ZBTB44: variants seen among roughly 807,000 people sequenced by gnomAD.
ZBTB44 encodes zinc finger and BTB domain containing 44.
Under a neutral mutation model 54.0 loss-of-function variants are expected in ZBTB44, and 15 were observed. The ratio of observed to expected loss-of-function variants is 0.28; its 90% CI spans 0.19 to 0.43. ZBTB44 has a LOEUF of 0.43. ZBTB44 is among the 20% of genes least tolerant of loss of function. ZBTB44 has a pLI of 1.00. For synonymous variants in ZBTB44, 230 were observed against 250.1 expected, an observed-to-expected ratio of 0.92 and a Z score of 0.76; for missense variants, 487 against 707.1, an observed-to-expected ratio of 0.69 and a Z score of 3.53.
intron 2 of ZBTB44, among the ~76,000 whole-genome samples, chr11:130,247,009 T>C (rs1306873348): frequency 1.3e-5 from 2 of 152,188 alleles, no homozygotes; most frequent in Admixed American, 1.3e-4. Flanking sequence ...TATTAAGATA[T>C]TCAATAACAG....
At chr11:130,285,637 C>A in intron 1 of ZBTB44, 1 of 259,726 alleles carries the variant, frequency 3.9e-6, no homozygotes, top group South Asian at 5.7e-5. Flanking sequence ...GTTGGAATAT[C>A]CCCTACTTCA....
intron 1 of ZBTB44, among the ~76,000 whole-genome samples, chr11:130,289,897 T>A (rs1941202469): frequency 6.6e-6 from 1 of 152,230 alleles, no homozygotes; most frequent in African/African-American, 2.4e-5. Context: ...AGATCCCAAG[T>A]GAATTCATTA....
At chr11:130,285,754 C>A (rs1011152907) in intron 1 of ZBTB44, 6 of 224,900 alleles carry the variant, frequency 2.7e-5, no homozygotes, top group Non-Finnish European at 4.7e-5. Context: ...TGTTCCCAAA[C>A]CAGTTCATGC....
intron 1 of ZBTB44, among the ~76,000 whole-genome samples, chr11:130,298,433 C>T (rs1465778880): frequency 1.3e-5 from 2 of 151,272 alleles, no homozygotes; most frequent in African/African-American, 2.4e-5. Context: ...GTGTGAGCCA[C>T]CATGCCCGGC....
At chr11:130,264,316 T>TG (rs2136457892) in intron 1 of ZBTB44, among the ~76,000 whole-genome samples, 1 of 151,652 alleles carries the variant, frequency 6.6e-6, no homozygotes, top group African/African-American at 2.4e-5. Context: ...AGCCAGCAAA[T>TG]GAAGAGAAGT....
intron 1 of ZBTB44, among the ~76,000 whole-genome samples, chr11:130,275,800 G>C (rs1484356497): frequency 6.6e-6 from 1 of 152,040 alleles, no homozygotes; most frequent in East Asian, 2.0e-4. Flanking sequence ...GATAATTTTT[G>C]TATTTTTAGT....
rs746948592 is a variant in ZBTB44 at position 130,238,492 on chromosome 11, G to T, written c.1219C>A (p.Arg407=). 1.2e-6 allele frequency: 2 copies of T among 1,608,448 alleles called. No individual in the cohort carries two copies. The change falls in exon 4 of 8, where the codon CGA becomes AGA. Residue 407 remains arginine, a synonymous_variant. Transcript: ENST00000357899. ...RPFQCPTCGV[R]FTRIQNLKQH... is the part of the protein sequence containing the mutation. ...TTTAGGTTCTGAATACGGGTGAATC[G>T]CACCCCGCAGGTTGGACACTGAAAA...
intron 1 of ZBTB44, among the ~76,000 whole-genome samples, chr11:130,269,570 T>C (rs1374024551): frequency 2.0e-5 from 3 of 152,242 alleles, no homozygotes; most frequent in Non-Finnish European, 4.4e-5. Flanking sequence ...AAGTGGTATG[T>C]TGCTAAACAA....
chr11:130,244,664 C>G (rs1158670083), intron 2 of ZBTB44, among the ~76,000 whole-genome samples: 1 of 50,384 alleles, frequency 2.0e-5, no homozygotes, highest in East Asian at 4.8e-4. Context: ...GAGACTCTGT[C>G]TGGAAAAAAA....
chr11:130,258,344 AT>A (rs1279482009), intron 2 of ZBTB44, among the ~76,000 whole-genome samples: 60 of 152,252 alleles, frequency 3.9e-4, no homozygotes, highest in African/African-American at 1.4e-3. Flanking sequence ...AAGTCTTGTA[AT>A]ATCTATTTTC....
Position 130,298,637 on chromosome 11 carries a change from A to G in ZBTB44, c.-57+15738T>C, listed in dbSNP as rs543556854. Among the ~76,000 whole-genome samples, 39 of 150,912 alleles carry G rather than the reference A, an allele frequency of 2.6e-4. 2 individuals are homozygous for G. In the South Asian group the frequency reaches 7.8e-3, roughly 30 times the overall value. ...GCCACCACGCCTGGCCACTTTTTGT[A>G]TTTTTAGTAGAGACGGAGTTTCACC... On this transcript the variant is annotated intron_variant, in intron 1 of 7. Transcript: ENST00000357899.
chr11:130,299,055 C>T (rs941924134), intron 1 of ZBTB44, among the ~76,000 whole-genome samples: 5 of 151,866 alleles, frequency 3.3e-5, no homozygotes, highest in African/African-American at 1.2e-4. Flanking sequence ...TGCACTCCAG[C>T]CTGGGTAACA....
chr11:130,275,390 G>A (rs562779316), intron 1 of ZBTB44, among the ~76,000 whole-genome samples: 21 of 152,206 alleles, frequency 1.4e-4, no homozygotes, highest in South Asian at 1.0e-3. Context: ...TGTTGCCCAG[G>A]CTGGTCTCAA....
intron 1 of ZBTB44, among the ~76,000 whole-genome samples, chr11:130,274,481 G>T (rs1185013415): frequency 3.9e-5 from 6 of 152,122 alleles, no homozygotes; most frequent in Non-Finnish European, 8.8e-5. Flanking sequence ...CACTGATTAT[G>T]TTAGCTACGA....
At chr11:130,287,171 C>T (rs1941018273) in intron 1 of ZBTB44, among the ~76,000 whole-genome samples, 1 of 152,158 alleles carries the variant, frequency 6.6e-6, no homozygotes, top group African/African-American at 2.4e-5. Flanking sequence ...GCTCAGTCAC[C>T]CATAGCTTAA....
chr11:130,277,636 CTT>C (rs902115283), intron 1 of ZBTB44, among the ~76,000 whole-genome samples: 3 of 152,050 alleles, frequency 2.0e-5, no homozygotes, highest in South Asian at 2.1e-4. Context: ...TTTTAATAAA[CTT>C]ATAACAAGAA....
chr11:130,253,691 A>C (rs1390926796), intron 2 of ZBTB44, among the ~76,000 whole-genome samples: 3 of 152,202 alleles, frequency 2.0e-5, no homozygotes, highest in Non-Finnish European at 2.9e-5. Context: ...GCTACCAATG[A>C]CTTTCTTCAC....
At chr11:130,239,786 TA>T in intron 3 of ZBTB44, 25 bp downstream of exon 3, 1 of 1,589,702 alleles carries the variant, frequency 6.3e-7, no homozygotes, top group African/African-American at 1.3e-5. Context: ...CCTTAAGAGG[TA>T]ACGAAATGCT....
intron 2 of ZBTB44, among the ~76,000 whole-genome samples, chr11:130,258,090 C>T (rs978317639): frequency 2.0e-5 from 3 of 151,984 alleles, no homozygotes; most frequent in South Asian, 4.2e-4. Flanking sequence ...TGCTAAAATG[C>T]TATTGATTCA....
Sources: allele counts gnomAD v4.1 joint callset (sites outside exome capture counted in the v4.1 genomes callset), GRCh38; gene constraint gnomAD v4.1.1; transcripts MANE v1.5; gene names NCBI Gene and HGNC (gene_info 2026-07-23, HGNC 2026-07-21).